CAMK2D: variants seen among roughly 807,000 people sequenced by gnomAD.
CAMK2D encodes the protein calcium/calmodulin-dependent protein kinase type II subunit delta.
A neutral mutation model predicts 84.0 loss-of-function variants in CAMK2D; 37 were observed. The ratio of observed to expected loss-of-function variants is 0.44; its 90% CI spans 0.34 to 0.58. CAMK2D has a LOEUF of 0.58. CAMK2D is among the 20% of genes least tolerant of loss of function. The probability of loss-of-function intolerance (pLI) is 0.02; values close to 1 mark genes in which losing one functional copy is unlikely to be tolerated. For synonymous variants in CAMK2D, 202 were observed against 212.5 expected (o/e 0.95, Z 0.43); for missense variants, 448 against 652.5 (o/e 0.69, Z 3.41).
chr4:113,653,092 A>G (rs1324637841), intron 3 of CAMK2D, among the ~76,000 whole-genome samples: 1 of 152,086 alleles, frequency 6.6e-6, no homozygotes, highest in African/African-American at 2.4e-5. Flanking sequence ...TAGTAAAATA[A>G]GCATTTACTT....
intron 8 of CAMK2D, among the ~76,000 whole-genome samples, chr4:113,530,752 C>T (rs988389371): frequency 1.2e-4 from 19 of 152,140 alleles, no homozygotes; most frequent in Admixed American, 6.6e-5. Flanking sequence ...TCTCCTGGCA[C>T]CTTGATTTTG....
At chr4:113,701,856 T>C (rs1032182313) in intron 2 of CAMK2D, among the ~76,000 whole-genome samples, 2 of 152,114 alleles carry the variant, frequency 1.3e-5, no homozygotes, top group African/African-American at 2.4e-5. Context: ...ACCACAGGCA[T>C]GCGCCATGAT....
intron 1 of CAMK2D, among the ~76,000 whole-genome samples, chr4:113,759,792 A>G (rs1287415802): frequency 6.6e-6 from 1 of 152,222 alleles, no homozygotes; most frequent in Non-Finnish European, 1.5e-5. Flanking sequence ...TTATTTTGGT[A>G]GGAAACAAAA....
At chr4:113,645,157 C>T (rs181460890) in intron 3 of CAMK2D, among the ~76,000 whole-genome samples, 1,558 of 152,244 alleles carry the variant, frequency 0.01, 8 homozygotes, top group Non-Finnish European at 0.014. Flanking sequence ...GCTGGGACTA[C>T]AGGCGCCCGC....
chr4:113,507,837 TA>T (rs2098150979), intron 13 of CAMK2D, among the ~76,000 whole-genome samples: 1 of 152,186 alleles, frequency 6.6e-6, no homozygotes, highest in African/African-American at 2.4e-5. Context: ...TTCACACCTT[TA>T]TAAACTCCAT....
At chr4:113,696,059 C>T (rs942115480) in intron 2 of CAMK2D, among the ~76,000 whole-genome samples, 16 of 152,168 alleles carry the variant, frequency 1.1e-4, no homozygotes, top group African/African-American at 3.9e-4. Flanking sequence ...GCTCTTGCCA[C>T]AGATATCCAC....
intron 4 of CAMK2D, among the ~76,000 whole-genome samples, chr4:113,584,596 C>T (rs1390499957): frequency 2.6e-5 from 4 of 152,114 alleles, no homozygotes; most frequent in African/African-American, 7.2e-5. Flanking sequence ...TGTCTCTCCA[C>T]CAGTCAGTTC....
intron 16 of CAMK2D, among the ~76,000 whole-genome samples, chr4:113,470,006 C>CCT (rs141407001): frequency 2.6e-5 from 4 of 151,716 alleles, no homozygotes; most frequent in East Asian, 1.9e-4. Flanking sequence ...AATGCAACCA[C>CCT]CTCTCTCTCT....
intron 4 of CAMK2D, among the ~76,000 whole-genome samples, chr4:113,572,760 G>A (rs1222116205): frequency 6.6e-6 from 1 of 152,044 alleles, no homozygotes; most frequent in Non-Finnish European, 1.5e-5. Flanking sequence ...ACTACCATTC[G>A]ACCCAGCAAA....
Position 113,530,574 on chromosome 4 carries a change from A to G in CAMK2D, c.601+642T>C, listed in dbSNP as rs80344734. ...TGTTAAAATCCTAACTCCTAATATG[A>G]TGGAAGGAAGGAAAGTGAGGTCTTT... is the stretch of plus-strand genomic sequence containing the variant. On this transcript the variant is annotated intron_variant, in intron 8 of 20. Coordinates refer to ENST00000511664, the MANE Select transcript of CAMK2D (RefSeq NM_001321571.2). Among the ~76,000 whole-genome samples, 368 of 152,262 alleles carry G rather than the reference A, an allele frequency of 2.4e-3. 2 individuals carry two copies. Among genetic ancestry groups the G allele is most frequent in the South Asian group, 0.012 (56 of 4,826 alleles).
At chr4:113,659,938 T>A (rs1415102165) in intron 3 of CAMK2D, among the ~76,000 whole-genome samples, 2 of 152,202 alleles carry the variant, frequency 1.3e-5, no homozygotes. Flanking sequence ...ATAGGTGAAT[T>A]TGCCAGTGTT....
chr4:113,527,018 G>A (rs1288927745), intron 8 of CAMK2D, among the ~76,000 whole-genome samples: 7 of 151,330 alleles, frequency 4.6e-5, no homozygotes, highest in Non-Finnish European at 1.0e-4. Flanking sequence ...TAACAACTTG[G>A]GTTCACTTTG....
intron 3 of CAMK2D, among the ~76,000 whole-genome samples, chr4:113,641,956 G>A (rs1317850489): frequency 4.6e-5 from 7 of 152,084 alleles, no homozygotes; most frequent in African/African-American, 7.2e-5. Flanking sequence ...GTTGCGGTGA[G>A]TCAAGATCAT....
intron 5 of CAMK2D, chr4:113,548,562 G>C: frequency 1.6e-6 from 1 of 606,276 alleles, no homozygotes; most frequent in East Asian, 2.9e-5. Context: ...GTTGGGAAAG[G>C]CAAGGGAACC....
chr4:113,755,797 G>A (rs1344089219), intron 2 of CAMK2D, among the ~76,000 whole-genome samples: 2 of 151,880 alleles, frequency 1.3e-5, no homozygotes, highest in Admixed American at 6.6e-5. Flanking sequence ...CTTTTGTTAA[G>A]TACTAATCTA....
intron 8 of CAMK2D, among the ~76,000 whole-genome samples, chr4:113,520,525 T>A (rs1017590249): frequency 5.3e-5 from 8 of 152,020 alleles, no homozygotes; most frequent in Admixed American, 2.6e-4. Flanking sequence ...TTACCTTTTT[T>A]CTATGTCAGA....
chr4:113,671,818 T>C (rs1209476943), intron 2 of CAMK2D, among the ~76,000 whole-genome samples: 1 of 152,240 alleles, frequency 6.6e-6, no homozygotes, highest in African/African-American at 2.4e-5. Context: ...TACAAGTGTG[T>C]GAACAAAGGA....
chr4:113,485,010 C>T (rs2097752517), intron 16 of CAMK2D, among the ~76,000 whole-genome samples: 1 of 152,042 alleles, frequency 6.6e-6, no homozygotes, highest in African/African-American at 2.4e-5. Flanking sequence ...CTGAGGGATT[C>T]CATAAATCCC....
chr4:113,474,187 G>A (rs1345952694), intron 16 of CAMK2D, among the ~76,000 whole-genome samples: 2 of 152,186 alleles, frequency 1.3e-5, no homozygotes, highest in Non-Finnish European at 2.9e-5. Context: ...GATGTTCCAT[G>A]AATCACATAG....
Sources: allele counts gnomAD v4.1 joint callset (sites outside exome capture counted in the v4.1 genomes callset), GRCh38; gene constraint gnomAD v4.1.1; transcripts MANE v1.5; gene names NCBI Gene and HGNC (gene_info 2026-07-23, HGNC 2026-07-21).